The following ZNF778 variants were observed in gnomAD, a reference collection of about 807,000 sequenced individuals.
ZNF778 encodes zinc finger protein 778.
A neutral mutation model predicts 23.9 loss-of-function variants in ZNF778; 37 were observed. The ratio of observed to expected loss-of-function variants is 1.54; its 90% confidence interval spans 1.19 to 2.03. The LOEUF is 2.03. ZNF778 is among the 30% of genes most tolerant of loss of function. The pLI is 0.00. For synonymous variants in ZNF778, 483 were observed against 343.9 expected, an observed-to-expected ratio of 1.40 and a Z score of -4.48; for missense variants, 1,297 against 934.4, an observed-to-expected ratio of 1.39 and a Z score of -5.06.
Position 89,223,165 on chromosome 16 carries a change from G to T in ZNF778, c.126G>T (p.Val42=). 6.2e-7 allele frequency: 1 copy of T among 1,613,272 alleles called. No individual in the cohort carries two copies. Among genetic ancestry groups the T allele is most frequent in the South Asian group, 1.1e-5 (1 of 91,014 alleles). The part of the protein sequence containing the change: ...GWLINCYQDA[V]TFDDVAVDFT... ...CATGTGTGATGATTTAGGACGCGGTGACCTTTGACGACGTGGCTGTGGACT... is the reference window on the plus strand; with the variant it reads ...CATGTGTGATGATTTAGGACGCGGTTACCTTTGACGACGTGGCTGTGGACT... Residue 42 remains valine, a synonymous_variant, in exon 4 of 7, where the codon GTG becomes GTT. Coordinates refer to ENST00000433976, the MANE Select transcript of ZNF778 (RefSeq NM_001201407.2).
At chr16:89,221,731 G>A (rs1348803487) in intron 2 of ZNF778, among the ~76,000 whole-genome samples, 1 of 151,320 alleles carries the variant, frequency 6.6e-6, no homozygotes, top group Non-Finnish European at 1.5e-5. Flanking sequence ...GGCTGTGTGT[G>A]TCTTTTCCTG....
chr16:89,221,303 C>T (rs990012027), intron 2 of ZNF778, among the ~76,000 whole-genome samples, 151 bp downstream of exon 2: 3 of 152,192 alleles, frequency 2.0e-5, no homozygotes, highest in African/African-American at 7.2e-5. Context: ...ACCTGTAAGT[C>T]AGCCCCAGGG....
At chr16:89,225,111 GTTTTTT>G (rs540637883) in intron 5 of ZNF778, among the ~76,000 whole-genome samples, 1 of 33,856 alleles carries the variant, frequency 3.0e-5, no homozygotes, top group Non-Finnish European at 5.5e-5. Flanking sequence ...CAGTTTGTGG[GTTTTTT>G]TTTTTTTTTT....
intron 2 of ZNF778, 135 bp from the exon 3 acceptor site, chr16:89,221,957 G>GTGTGTGTGCGTTTTCC (rs2030997315): frequency 1.7e-6 from 1 of 572,712 alleles, no homozygotes; most frequent in Non-Finnish European, 3.1e-6. Context: ...CTGTATATCT[G>GTGTGTGTGCGTTTTCC]TGTGTGTGCG....
chr16:89,217,711 C>T lies in ZNF778; in HGVS notation c.-331C>T, dbSNP rs1271464945. 1.3e-5 allele frequency: 2 copies of T among 152,294 alleles called. No homozygotes were observed. The highest frequency in any genetic ancestry group is 2.4e-5 in the African/African-American group (1 of 41,478). The allele number at this position is 152,294 out of a possible 1,614,324, so 9.4% of individuals were successfully genotyped here. On this transcript the variant is annotated 5_prime_UTR_variant, in exon 1 of 7. Transcript: ENST00000433976. ...GCCGGCCCCGCCTCCGCCTGTCTTA[C>T]AGCTGATCCGGTTCTTGCGGCGGTG...
At position 89,228,842 on chromosome 16, in the gene ZNF778, T is replaced by C; in HGVS notation, c.*280T>C. 1.8e-6 allele frequency: 2 copies of C among 1,133,642 alleles called. No individual in the cohort carries two copies. The highest frequency in any genetic ancestry group is 2.2e-6 in the Non-Finnish European group (2 of 924,106). 70.2% of individuals were successfully genotyped at this position (1,133,642 alleles called of 1,614,324 possible). On this transcript the variant is annotated 3_prime_UTR_variant, in exon 7 of 7. Transcript: ENST00000433976. ...ATTGTTGCTGTTCTGCTCAGTACTTTGATGATCCCTTGTGATCTCACAATG... is the reference window on the plus strand; with the variant it reads ...ATTGTTGCTGTTCTGCTCAGTACTTCGATGATCCCTTGTGATCTCACAATG...
Position 89,230,248 on chromosome 16 carries a change from C to A in ZNF778, c.*1686C>A. On this transcript the variant is annotated 3_prime_UTR_variant, in exon 7 of 7. Transcript: ENST00000433976. Reference sequence around the variant, plus strand: ...AGTGGAGAGGGGCGAGGTCTGTACCCTGAGATGCCCCCGTTTCATGGCCGT... The same window carrying A: ...AGTGGAGAGGGGCGAGGTCTGTACCATGAGATGCCCCCGTTTCATGGCCGT... The A allele has an allele frequency of 4.9e-6, 1 of 204,762 alleles. No homozygotes were observed. The highest frequency in any genetic ancestry group is 8.6e-6 in the Non-Finnish European group (1 of 116,248). The allele number at this position is 204,762 out of a possible 1,614,324, so 12.7% of individuals were successfully genotyped here.
Position 89,234,161 on chromosome 16 carries a change from T to A in ZNF778, c.*5599T>A. 1 of 421,652 alleles carries A rather than the reference T, an allele frequency of 2.4e-6. No homozygotes were observed. Among genetic ancestry groups the A allele is most frequent in the Non-Finnish European group, 4.7e-6 (1 of 214,954 alleles). 26.1% of individuals were successfully genotyped at this position (421,652 alleles called of 1,614,324 possible). The stretch of plus-strand genomic sequence containing the variant: ...CATGTCAGGAACCTGTGTGTGTCAC[T>A]CACTCACCTTGACGAGTCCGCGTCT... On this transcript the variant is annotated 3_prime_UTR_variant, in exon 7 of 7. Transcript: ENST00000433976.
At chr16:89,221,403 G>A (rs886197481) in intron 2 of ZNF778, among the ~76,000 whole-genome samples, 6 of 152,174 alleles carry the variant, frequency 3.9e-5, no homozygotes, top group African/African-American at 9.7e-5. Flanking sequence ...AAGGCGTACC[G>A]TTCCATATCT....
rs1341130634 is a variant in ZNF778 at position 89,233,610 on chromosome 16, T to C, written c.*5048T>C. ...AACGCAACTCAACTCATACTGCATA[T>C]GCAACTCAACTCACACTGTATGCAA... On this transcript the variant is annotated 3_prime_UTR_variant, in exon 7 of 7. Coordinates refer to ENST00000433976, the MANE Select transcript of ZNF778 (RefSeq NM_001201407.2). 3 of 1,133,060 alleles carry C rather than the reference T, an allele frequency of 2.6e-6. No homozygotes were observed. The highest frequency in any genetic ancestry group is 6.1e-5 in the East Asian group (1 of 16,360). The allele number at this position is 1,133,060 out of a possible 1,614,324, so 70.2% of individuals were successfully genotyped here. A position where few individuals can be genotyped will look rare whatever the true frequency, so the allele number is the denominator to read the frequency against.
At position 89,232,747 on chromosome 16, in the gene ZNF778, C is replaced by G; in HGVS notation, c.*4185C>G. On this transcript the variant is annotated 3_prime_UTR_variant, in exon 7 of 7. Coordinates refer to ENST00000433976, the MANE Select transcript of ZNF778 (RefSeq NM_001201407.2). Reference sequence around the variant, plus strand: ...ATTCCTAAAGATGGTAAACAACTTGCTGGAAACATGCACTGCATATACAAA... The same window carrying G: ...ATTCCTAAAGATGGTAAACAACTTGGTGGAAACATGCACTGCATATACAAA... The G allele has an allele frequency of 1.6e-6, 2 of 1,284,602 alleles. No homozygotes were observed. Among genetic ancestry groups the G allele is most frequent in the Non-Finnish European group, 2.0e-6 (2 of 985,132 alleles). 79.6% of individuals were successfully genotyped at this position (1,284,602 alleles called of 1,614,324 possible).
intron 4 of ZNF778, 191 bp from the exon 5 acceptor site, chr16:89,224,528 A>G: frequency 2.0e-6 from 1 of 490,614 alleles, no homozygotes; most frequent in Non-Finnish European, 3.8e-6. Context: ...CTGAGGCAAG[A>G]GAATCACTTG....
In ZNF778 at chr16:89,230,219, G is replaced by A. The variant is rs1324218384; in HGVS notation, c.*1657G>A. 5 of 320,232 alleles carry A rather than the reference G, an allele frequency of 1.6e-5. No homozygotes were observed. In the Admixed American group the frequency reaches 1.9e-4, roughly 12 times the overall value. 19.8% of individuals were successfully genotyped at this position (320,232 alleles called of 1,614,324 possible). On this transcript the variant is annotated 3_prime_UTR_variant, in exon 7 of 7. Coordinates refer to ENST00000433976, the MANE Select transcript of ZNF778 (RefSeq NM_001201407.2). ...ATAAAACACCAGGGTGCAAGGAGGG[G>A]CAGAGTGGAGAGGGGCGAGGTCTGT... is the stretch of plus-strand genomic sequence containing the variant.
At chr16:89,223,426 G>A (rs1292848681) in intron 4 of ZNF778, 143 bp downstream of exon 4, 2 of 1,190,686 alleles carry the variant, frequency 1.7e-6, no homozygotes, top group Non-Finnish European at 2.4e-6. Context: ...TGGTGCTAGT[G>A]TGGTCGTTTC....
rs1377834386 is a variant in ZNF778, at chr16:89,229,533, CTGGT to C, written c.*977_*980del. The C allele has an allele frequency of 2.4e-5, 23 of 975,260 alleles. No homozygotes were observed. Among genetic ancestry groups the C allele is most frequent in the South Asian group, 1.4e-4 (3 of 20,740 alleles). 60.4% of individuals were successfully genotyped at this position (975,260 alleles called of 1,614,324 possible). Reference sequence around the variant, plus strand: ...TGTGATTCTGTGAGCAGCATAGGCTCTGGTTGGTTAGTCTTGAGGATCCAGATGT... The same window carrying C: ...TGTGATTCTGTGAGCAGCATAGGCTCTGGTTAGTCTTGAGGATCCAGATGT... On this transcript the variant is annotated 3_prime_UTR_variant, in exon 7 of 7. Coordinates refer to ENST00000433976, the MANE Select transcript of ZNF778 (RefSeq NM_001201407.2).
rs1386176950 is a variant in ZNF778, at chr16:89,228,049, A to G, written c.1761A>G (p.Lys587=). 6.3e-7 allele frequency: 1 copy of G among 1,589,064 alleles called. No individual in the cohort carries two copies. Among genetic ancestry groups the G allele is most frequent in the Non-Finnish European group, 8.6e-7 (1 of 1,164,538 alleles). Residue 587 remains lysine, a synonymous_variant, in exon 7 of 7, where the codon AAA becomes AAG. Coordinates refer to ENST00000433976, the MANE Select transcript of ZNF778 (RefSeq NM_001201407.2). ...ACATTCAGATTCACACTGGAATAAA[A>G]CCTTATGAATGTAAGGACTGTGGGA... The part of the protein sequence containing the change: ...NKHIQIHTGI[K]PYECKDCGKT...
intron 3 of ZNF778, among the ~76,000 whole-genome samples, chr16:89,222,804 GT>G (rs753081308): frequency 1.3e-5 from 2 of 152,256 alleles, no homozygotes; most frequent in Non-Finnish European, 2.9e-5. Context: ...TGTTTGTAGT[GT>G]GCTCAGGAGA....
In ZNF778 at chr16:89,228,725, C is replaced by G; in HGVS notation, c.*163C>G. On this transcript the variant is annotated 3_prime_UTR_variant, in exon 7 of 7. Coordinates refer to ENST00000433976, the MANE Select transcript of ZNF778 (RefSeq NM_001201407.2). ...TCACCCTGGAGCCCTATGCAGCAGA[C>G]ACAGAGAAAGCCCTCAGTGTTCTCT... 1 of 1,428,282 alleles carries G rather than the reference C, an allele frequency of 7.0e-7. No homozygotes were observed. Among genetic ancestry groups the G allele is most frequent in the South Asian group, 1.6e-5 (1 of 63,340 alleles). The allele number at this position is 1,428,282 out of a possible 1,614,324, so 88.5% of individuals were successfully genotyped here.
rs904022126 is a variant in ZNF778 at position 89,229,405 on chromosome 16, G to A, written c.*843G>A. 2 of 984,404 alleles carry A rather than the reference G, an allele frequency of 2.0e-6. No homozygotes were observed. Among genetic ancestry groups the A allele is most frequent in the South Asian group, 4.7e-5 (1 of 21,222 alleles). 61.0% of individuals were successfully genotyped at this position (984,404 alleles called of 1,614,324 possible). A position where few individuals can be genotyped will look rare whatever the true frequency, so the allele number is the denominator to read the frequency against. ...TGGTTAGTCTTGAGGATCCAGATGT[G>A]ATTCTGTGAGCAGTGTAGGCTCTGG... is the stretch of plus-strand genomic sequence containing the variant. On this transcript the variant is annotated 3_prime_UTR_variant, in exon 7 of 7. Transcript: ENST00000433976.
Sources: allele counts gnomAD v4.1 joint callset (sites outside exome capture counted in the v4.1 genomes callset), GRCh38; gene constraint gnomAD v4.1.1; transcripts MANE v1.5; gene names NCBI Gene and HGNC (gene_info 2026-07-23, HGNC 2026-07-21).